BBS7: variants seen among roughly 807,000 people sequenced by gnomAD.
BBS7 encodes BBSome complex member BBS7.
Under a neutral mutation model 90.3 loss-of-function variants are expected in BBS7, and 50 were observed. The ratio of observed to expected loss-of-function variants is 0.55; its 90% CI spans 0.44 to 0.70. The LOEUF (loss-of-function observed/expected upper bound fraction) is 0.70. Among genes scored for constraint, BBS7 ranks in the 30% least tolerant of loss-of-function variants. The pLI is 0.00. For missense variants in BBS7, 729 were observed against 838.9 expected (o/e 0.87, Z 1.62); for synonymous variants, 235 against 287.4 (o/e 0.82, Z 1.85).
intron 1 of BBS7, among the ~76,000 whole-genome samples, chr4:121,869,906 G>A (rs1334083184): frequency 6.6e-6 from 1 of 152,194 alleles, no homozygotes; most frequent in Non-Finnish European, 1.5e-5. Context: ...CAAGTGCCTG[G>A]TGCTCCGCAA....
chr4:121,868,147 A>G lies in BBS7; in HGVS notation c.37-101T>C, dbSNP rs895033751. On this transcript the variant is annotated intron_variant, in intron 1 of 18. Transcript: ENST00000264499. ...TTTTTGTTAAACTGAAATTAGTGATATAACTATTATCAGTAATTAATTTAT... is the reference window on the plus strand; with the variant it reads ...TTTTTGTTAAACTGAAATTAGTGATGTAACTATTATCAGTAATTAATTTAT... 5.6e-6 allele frequency: 5 copies of G among 887,970 alleles called. No individual in the cohort carries two copies. The African/African-American group carries it at 6.7e-5, about 12-fold the overall frequency. The allele number at this position is 887,970 out of a possible 1,614,324, so 55.0% of individuals were successfully genotyped here.
chr4:121,841,354 C>A (rs1184185198), intron 12 of BBS7, among the ~76,000 whole-genome samples: 1 of 151,642 alleles, frequency 6.6e-6, no homozygotes, highest in Non-Finnish European at 1.5e-5. Flanking sequence ...GCTAGGAGTT[C>A]AAGACCAGCC....
At position 121,830,342 on chromosome 4, in the gene BBS7, A is replaced by G. The variant is rs529398238; in HGVS notation, c.1677-1614T>C. On this transcript the variant is annotated intron_variant, in intron 15 of 18. Coordinates refer to ENST00000264499, the MANE Select transcript of BBS7 (RefSeq NM_176824.3). ...CTTGGGCCTGGGAGGAGGAGGTTGC[A>G]GTGAGCTGAGATTGAGACACTGCAC... 2.0e-5 allele frequency among the ~76,000 whole-genome samples: 3 copies of G among 152,352 alleles called. No homozygotes were observed. In the South Asian group the frequency reaches 6.2e-4, roughly 32 times the overall value.
chr4:121,839,288 C>G (rs1041818096), intron 13 of BBS7, among the ~76,000 whole-genome samples: 4 of 151,908 alleles, frequency 2.6e-5, no homozygotes, highest in African/African-American at 9.7e-5. Context: ...AATTTTAGGC[C>G]GGGCATGGTG....
At chr4:121,842,935 T>C (rs1725818069) in intron 12 of BBS7, among the ~76,000 whole-genome samples, 1 of 152,178 alleles carries the variant, frequency 6.6e-6, no homozygotes, top group African/African-American at 2.4e-5. Flanking sequence ...ACTGTGCACG[T>C]TAAGTGCTCA....
Position 121,862,289 on chromosome 4 carries a change from A to G in BBS7, c.166-610T>C, listed in dbSNP as rs574731243. On this transcript the variant is annotated intron_variant, in intron 3 of 18. Coordinates refer to ENST00000264499, the MANE Select transcript of BBS7 (RefSeq NM_176824.3). ...TTTAACTGAAAACAATATTCATTTC[A>G]TTAATTTTTTTGTGGTTATTTTCCA... Among the ~76,000 whole-genome samples the G allele has an allele frequency of 8.2e-4, 125 of 152,284 alleles. 2 individuals are homozygous for G. The South Asian group carries it at 0.025, about 31-fold the overall frequency.
In BBS7 at chr4:121,828,291, A is replaced by C; in HGVS notation, c.1891-22T>G. ...ATTCCTATTTAAAATGAAAAACAGA[A>C]GCACCTTAATATTCAAAATTCAATC... On this transcript the variant is annotated intron_variant, in intron 17 of 18. Transcript: ENST00000264499. 2.5e-6 allele frequency: 4 copies of C among 1,606,602 alleles called. No homozygotes were observed. The South Asian group carries it at 4.4e-5, about 18-fold the overall frequency.
chr4:121,838,354 C>A (rs1578535588), intron 13 of BBS7, among the ~76,000 whole-genome samples: 4 of 132,024 alleles, frequency 3.0e-5, no homozygotes, highest in Non-Finnish European at 4.8e-5. Flanking sequence ...TGTGTAACAG[C>A]ATCTCTCTTG....
At chr4:121,868,126 T>C (rs1468389642) in intron 1 of BBS7, 80 bp from the exon 2 acceptor site, 1 of 1,118,784 alleles carries the variant, frequency 8.9e-7, no homozygotes, top group East Asian at 2.4e-5. Context: ...TGAACCTTTT[T>C]GTTAAACTGA....
chr4:121,866,452 A>G (rs1278682749), intron 2 of BBS7, among the ~76,000 whole-genome samples: 1 of 151,966 alleles, frequency 6.6e-6, no homozygotes, highest in Non-Finnish European at 1.5e-5. Context: ...TCTAGTAGAG[A>G]TAGGGTTTCA....
intron 15 of BBS7, 131 bp from the exon 16 acceptor site, chr4:121,828,859 T>A (rs996037482): frequency 1.8e-6 from 1 of 552,156 alleles, no homozygotes; most frequent in Non-Finnish European, 3.1e-6. Context: ...CATATATCAT[T>A]AATATAAAGC....
At chr4:121,847,310 T>G in intron 10 of BBS7, 94 bp downstream of exon 10, 1 of 805,448 alleles carries the variant, frequency 1.2e-6, no homozygotes, top group Non-Finnish European at 2.1e-6. Context: ...CATAATTCCT[T>G]CCAATAAAAT....
chr4:121,841,570 A>G (rs11937224), intron 12 of BBS7, among the ~76,000 whole-genome samples: 7 of 150,294 alleles, frequency 4.7e-5, no homozygotes, highest in African/African-American at 1.7e-4. Flanking sequence ...CCATCTTTTA[A>G]AAAAAAAAAA....
intron 1 of BBS7, among the ~76,000 whole-genome samples, chr4:121,869,086 T>A (rs995388303): frequency 6.6e-6 from 1 of 152,032 alleles, no homozygotes; most frequent in Non-Finnish European, 1.5e-5. Flanking sequence ...CAAGAGAAGA[T>A]GAGAACCCAA....
At chr4:121,835,614 T>C (rs1384316268) in intron 13 of BBS7, among the ~76,000 whole-genome samples, 1 of 152,180 alleles carries the variant, frequency 6.6e-6, no homozygotes, top group African/African-American at 2.4e-5. Flanking sequence ...TTTTTGCAAA[T>C]GTTGCACTGT....
At chr4:121,830,995 C>A (rs1578525688) in intron 15 of BBS7, among the ~76,000 whole-genome samples, 1 of 151,942 alleles carries the variant, frequency 6.6e-6, no homozygotes, top group East Asian at 2.0e-4. Flanking sequence ...ATCACGAGGT[C>A]AAGAGATCAA....
At chr4:121,867,955 T>C (rs549868011) in intron 2 of BBS7, 26 bp downstream of exon 2, 1 of 1,576,766 alleles carries the variant, frequency 6.3e-7, no homozygotes, top group African/African-American at 1.3e-5. Flanking sequence ...TAGGGAATAG[T>C]GGAGAAATCA....
rs759256331 is a variant in BBS7, at chr4:121,833,375, A to AG, written c.1531dup (p.Leu511ProfsTer9). ...TTCAGCAAAACTGAACTGGCCTGTT[A>AG]GGGTCAGTGTATTCATGGGTCTGTA... On this transcript the variant is annotated frameshift_variant, in exon 15 of 19. Coordinates refer to ENST00000264499, the MANE Select transcript of BBS7 (RefSeq NM_176824.3). LOFTEE classifies it high-confidence loss of function. The AG allele has an allele frequency of 6.2e-7, 1 of 1,614,022 alleles. No individual in the cohort carries two copies. Among genetic ancestry groups the AG allele is most frequent in the South Asian group, 1.1e-5 (1 of 91,082 alleles).
intron 2 of BBS7, among the ~76,000 whole-genome samples, chr4:121,866,499 A>G (rs1727282033): frequency 6.6e-6 from 1 of 152,056 alleles, no homozygotes; most frequent in African/African-American, 2.4e-5. Flanking sequence ...TCCTGACCTC[A>G]AGTGATCCAC....
Sources: gnomAD v4.1 joint callset for allele counts (sites outside exome capture counted in the v4.1 genomes callset) on GRCh38, gnomAD v4.1.1 for gene constraint, MANE v1.5 for transcripts, NCBI Gene and HGNC (gene_info 2026-07-23, HGNC 2026-07-21) for gene names.